NKAIN3: variants seen among roughly 807,000 people sequenced by gnomAD.
The protein encoded by NKAIN3 is sodium/potassium transporting ATPase interacting 3.
Under a neutral mutation model 30.2 loss-of-function variants are expected in NKAIN3, and 25 were observed. The observed-to-expected ratio is 0.83, with a 90% CI of 0.60 to 1.16. The LOEUF (loss-of-function observed/expected upper bound fraction) is 1.16, where lower values mean the gene tolerates loss of function less well. Ranked by LOEUF, NKAIN3 falls within the 50% of genes most tolerant of loss-of-function variation. The pLI is 0.00. For missense variants in NKAIN3, 225 were observed against 254.1 expected (o/e 0.89, Z 0.78); for synonymous variants, 91 against 89.6 (o/e 1.02, Z -0.09).
intron 3 of NKAIN3, among the ~76,000 whole-genome samples, chr8:62,727,079 CAGCAGGCTAA>C (rs1195432065): frequency 6.6e-6 from 1 of 152,056 alleles, no homozygotes; most frequent in South Asian, 2.1e-4. Flanking sequence ...TTGACCACAT[CAGCAGGCTAA>C]AGAAGAAAAA....
intron 3 of NKAIN3, among the ~76,000 whole-genome samples, chr8:62,719,544 T>C (rs1453517282): frequency 6.6e-6 from 1 of 152,196 alleles, no homozygotes; most frequent in Non-Finnish European, 1.5e-5. Flanking sequence ...TGACATGATC[T>C]AGTCCTATAA....
intron 3 of NKAIN3, among the ~76,000 whole-genome samples, chr8:62,617,103 A>G (rs762360560): frequency 6.6e-6 from 1 of 152,188 alleles, no homozygotes; most frequent in African/African-American, 2.4e-5. Context: ...TGTCATGAGT[A>G]AAAGCTCCCT....
At chr8:62,413,595 A>G (rs1353642807) in intron 1 of NKAIN3, among the ~76,000 whole-genome samples, 2 of 152,246 alleles carry the variant, frequency 1.3e-5, no homozygotes. Context: ...ATAGAGGCTA[A>G]TGTCAAAACT....
At chr8:62,480,084 CTTT>C in intron 1 of NKAIN3, among the ~76,000 whole-genome samples, 1 of 152,284 alleles carries the variant, frequency 6.6e-6, no homozygotes, top group South Asian at 2.1e-4. Flanking sequence ...AGCCACTATG[CTTT>C]ACATTAGGAA....
intron 4 of NKAIN3, among the ~76,000 whole-genome samples, chr8:62,793,350 G>A (rs1452333094): frequency 1.3e-5 from 2 of 151,998 alleles, no homozygotes; most frequent in Admixed American, 1.3e-4. Flanking sequence ...TATAGTTTCT[G>A]CTTCCTCATG....
chr8:62,663,969 G>A, intron 3 of NKAIN3, among the ~76,000 whole-genome samples: 1 of 152,034 alleles, frequency 6.6e-6, no homozygotes, highest in East Asian at 1.9e-4. Flanking sequence ...AATTGATCTT[G>A]TTGGAGATAT....
At chr8:62,286,973 G>A (rs60095748) in intron 1 of NKAIN3, among the ~76,000 whole-genome samples, 9,350 of 151,510 alleles carry the variant, frequency 0.062, 964 homozygotes, top group African/African-American at 0.21. Flanking sequence ...CTTATATGAA[G>A]GGCTGAAAGG....
At chr8:62,549,338 G>A (rs1032853873) in intron 1 of NKAIN3, among the ~76,000 whole-genome samples, 10 of 151,992 alleles carry the variant, frequency 6.6e-5, no homozygotes, top group African/African-American at 2.4e-4. Context: ...TTTTTTGGGG[G>A]ATCGGAGGGG....
At chr8:62,462,495 A>T (rs1378508202) in intron 1 of NKAIN3, among the ~76,000 whole-genome samples, 1 of 152,170 alleles carries the variant, frequency 6.6e-6, no homozygotes, top group Non-Finnish European at 1.5e-5. Context: ...TTAAAATGTC[A>T]GTACTCTGGG....
intron 6 of NKAIN3, among the ~76,000 whole-genome samples, chr8:62,964,921 T>C (rs1366942314): frequency 6.6e-6 from 1 of 152,024 alleles, no homozygotes; most frequent in Non-Finnish European, 1.5e-5. Context: ...GGATGGGATG[T>C]GTGTAAGGAA....
At chr8:62,920,737 A>C (rs958742939) in intron 5 of NKAIN3, among the ~76,000 whole-genome samples, 5 of 152,210 alleles carry the variant, frequency 3.3e-5, no homozygotes, top group African/African-American at 1.2e-4. Flanking sequence ...ACATTACATT[A>C]CCAAGAGACA....
At chr8:62,955,128 T>C (rs1363148816) in intron 6 of NKAIN3, among the ~76,000 whole-genome samples, 4 of 152,186 alleles carry the variant, frequency 2.6e-5, no homozygotes, top group Non-Finnish European at 5.9e-5. Flanking sequence ...CTGATTCCTC[T>C]ACCTCCCCAG....
At chr8:62,331,580 G>T (rs1030258404) in intron 1 of NKAIN3, among the ~76,000 whole-genome samples, 1 of 152,126 alleles carries the variant, frequency 6.6e-6, no homozygotes, top group Non-Finnish European at 1.5e-5. Context: ...GTCCAAACAG[G>T]AAAGTACTGA....
At chr8:62,815,736 A>G (rs1047141434) in intron 4 of NKAIN3, among the ~76,000 whole-genome samples, 5 of 152,176 alleles carry the variant, frequency 3.3e-5, no homozygotes, top group African/African-American at 9.7e-5. Flanking sequence ...AATAAGAGCT[A>G]TCTATGACAA....
At chr8:62,320,471 C>T (rs555891129) in intron 1 of NKAIN3, among the ~76,000 whole-genome samples, 78 of 152,122 alleles carry the variant, frequency 5.1e-4, no homozygotes, top group African/African-American at 1.6e-3. Flanking sequence ...TGGCTGGTAC[C>T]GGTTGTTCCT....
chr8:62,941,996 T>C (rs1430507781), intron 5 of NKAIN3, among the ~76,000 whole-genome samples: 3 of 151,818 alleles, frequency 2.0e-5, no homozygotes, highest in Non-Finnish European at 1.5e-5. Flanking sequence ...ATTGATATGA[T>C]CATATACCTA....
At chr8:62,273,736 G>A in intron 1 of NKAIN3, among the ~76,000 whole-genome samples, 1 of 152,184 alleles carries the variant, frequency 6.6e-6, no homozygotes. Flanking sequence ...GAAGAGATGT[G>A]AATTTTATCA....
chr8:62,667,363 A>ATATATATATAAATATATATATG (rs1554561921), intron 3 of NKAIN3, among the ~76,000 whole-genome samples: 2,709 of 53,218 alleles, frequency 0.051, 172 homozygotes, highest in African/African-American at 0.28. Context: ...ATATATCTGT[A>ATATATATATAAATATATATATG]TATATATATA....
intron 1 of NKAIN3, among the ~76,000 whole-genome samples, chr8:62,560,927 T>G (rs1344887641): frequency 6.6e-6 from 1 of 152,186 alleles, no homozygotes; most frequent in African/African-American, 2.4e-5. Flanking sequence ...CAATTTTTTA[T>G]TCTTCTTTAT....
Sources: allele counts gnomAD v4.1 joint callset (sites outside exome capture counted in the v4.1 genomes callset), GRCh38; gene constraint gnomAD v4.1.1; transcripts MANE v1.5; gene names NCBI Gene and HGNC (gene_info 2026-07-23, HGNC 2026-07-21).